The following LENG1 variants were observed in gnomAD, a reference collection of about 807,000 sequenced individuals.
LENG1 encodes the protein leukocyte receptor cluster (LRC) member 1.
A neutral mutation model predicts 28.8 loss-of-function variants in LENG1; 35 were observed. The ratio of observed to expected loss-of-function variants is 1.22; its 90% CI spans 0.93 to 1.61. The LOEUF (loss-of-function observed/expected upper bound fraction) is 1.61. Ranked by LOEUF, LENG1 falls within the 40% of genes most tolerant of loss-of-function variation. The probability of loss-of-function intolerance (pLI) is 0.00; values close to 1 mark genes in which losing one functional copy is unlikely to be tolerated. For synonymous variants in LENG1, 170 were observed against 140.6 expected (o/e 1.21, Z -1.48); for missense variants, 404 against 348.9 (o/e 1.16, Z -1.26).
chr19:54,157,642 T>C (rs2075419683), intron 2 of LENG1, among the ~76,000 whole-genome samples: 1 of 152,076 alleles, frequency 6.6e-6, no homozygotes, highest in South Asian at 2.1e-4. Context: ...AGTGCTGGGA[T>C]TACAGGCGTG....
Position 54,158,714 on chromosome 19 carries a change from C to G in LENG1, c.133-253G>C, listed in dbSNP as rs151243824. 1.6e-3 allele frequency among the ~76,000 whole-genome samples: 248 copies of G among 152,262 alleles called. 1 individual carries two copies. Among genetic ancestry groups the G allele is most frequent in the African/African-American group, 5.7e-3 (238 of 41,554 alleles). On this transcript the variant is annotated intron_variant, in intron 1 of 3. Coordinates refer to ENST00000222224, the MANE Select transcript of LENG1 (RefSeq NM_024316.3). ...GGATGTATGGGAGGAGGTCCCTGGCCTAAACCAAAGGGGTTCCTAACCTCA... is the reference window on the plus strand; with the variant it reads ...GGATGTATGGGAGGAGGTCCCTGGCGTAAACCAAAGGGGTTCCTAACCTCA...
rs776810991 is a variant in LENG1, at chr19:54,155,703, C to G, written c.*18G>C. 6.3e-7 allele frequency: 1 copy of G among 1,598,016 alleles called. No homozygotes were observed. Among genetic ancestry groups the G allele is most frequent in the Non-Finnish European group, 8.5e-7 (1 of 1,170,620 alleles). The stretch of plus-strand genomic sequence containing the variant: ...ATGACGGCTGGCAGCAGCGGCCTCT[C>G]CTGTACCCCCTCAGGAGTCAGTGAG... On this transcript the variant is annotated 3_prime_UTR_variant, in exon 4 of 4. Coordinates refer to ENST00000222224, the MANE Select transcript of LENG1 (RefSeq NM_024316.3).
intron 3 of LENG1, among the ~76,000 whole-genome samples, chr19:54,156,180 C>G (rs117103541): frequency 1.6e-4 from 25 of 152,294 alleles, no homozygotes; most frequent in Admixed American, 8.5e-4. Context: ...TTCTCCAGGT[C>G]AAGAAAGCAC....
rs531585019 is a variant in LENG1, at chr19:54,155,377, C to T, written c.*344G>A. 3 of 1,611,936 alleles carry T rather than the reference C, an allele frequency of 1.9e-6. No homozygotes were observed. Among genetic ancestry groups the T allele is most frequent in the African/African-American group, 1.3e-5 (1 of 75,002 alleles). Reference sequence around the variant, plus strand: ...AGAAGGAAGGCTTCACCTTTGAGTACCGCTACCTGGAGGACCGGGACCTCC... The same window carrying T: ...AGAAGGAAGGCTTCACCTTTGAGTATCGCTACCTGGAGGACCGGGACCTCC... On this transcript the variant is annotated 3_prime_UTR_variant, in exon 4 of 4. Coordinates refer to ENST00000222224, the MANE Select transcript of LENG1 (RefSeq NM_024316.3).
At position 54,156,921 on chromosome 19, in the gene LENG1, G is replaced by T; in HGVS notation, c.417C>A (p.Gly139=). 6.2e-7 allele frequency: 1 copy of T among 1,612,072 alleles called. No homozygotes were observed. The highest frequency in any genetic ancestry group is 1.1e-5 in the South Asian group (1 of 90,982). Residue 139 remains glycine, a synonymous_variant, in exon 3 of 4, where the codon GGC becomes GGA. Coordinates refer to ENST00000222224, the MANE Select transcript of LENG1 (RefSeq NM_024316.3). ...CATCTGGGGCTGGGCCGGGCGGGGG[G>T]CCCCCTCGCCCTGGGGGTAGCTGGT... ...PWYQLPPGRG[G]PPPGPAPDEK...
At position 54,156,868 on chromosome 19, in the gene LENG1, A is replaced by C; in HGVS notation, c.470T>G (p.Leu157Arg). 1.4e-6 allele frequency: 2 copies of C among 1,450,600 alleles called. No homozygotes were observed. The highest frequency in any genetic ancestry group is 1.9e-6 in the Non-Finnish European group (2 of 1,061,922). The allele number at this position is 1,450,600 out of a possible 1,614,324, so 89.9% of individuals were successfully genotyped here. Residue 157 changes from leucine (L) to arginine (R), a missense_variant, in exon 3 of 4, where the codon CTG becomes CGG. Transcript: ENST00000222224. ...DEKIKSRLDP[L>R]REMQKHLGKK... ...CCCCAGATGCTTCTGCATCTCCCGC[A>C]GAGGGTCCAGACGGCTCTTGATCTT...
In LENG1 at chr19:54,155,393, C is replaced by A. The variant is rs747937784; in HGVS notation, c.*328G>T. 1 of 1,607,310 alleles carries A rather than the reference C, an allele frequency of 6.2e-7. No individual in the cohort carries two copies. Among genetic ancestry groups the A allele is most frequent in the South Asian group, 1.1e-5 (1 of 90,312 alleles). The stretch of plus-strand genomic sequence containing the variant: ...CTTTGAGTACCGCTACCTGGAGGAC[C>A]GGGACCTCCAGTGACACCGGCCCCT... On this transcript the variant is annotated 3_prime_UTR_variant, in exon 4 of 4. Transcript: ENST00000222224.
At chr19:54,156,527 A>C (rs2075390031) in intron 3 of LENG1, among the ~76,000 whole-genome samples, 1 of 152,176 alleles carries the variant, frequency 6.6e-6, no homozygotes, top group South Asian at 2.1e-4. Flanking sequence ...GCCTGAGAAC[A>C]CGAGTGGAAA....
Position 54,155,354 on chromosome 19 carries a change from A to G in LENG1, c.*367T>C. The stretch of plus-strand genomic sequence containing the variant: ...CTACGAGAAGTGGGGCCAGCGGAAG[A>G]AGGAAGGCTTCACCTTTGAGTACCG... On this transcript the variant is annotated 3_prime_UTR_variant, in exon 4 of 4. Coordinates refer to ENST00000222224, the MANE Select transcript of LENG1 (RefSeq NM_024316.3). 6.2e-7 allele frequency: 1 copy of G among 1,613,340 alleles called. No homozygotes were observed. Among genetic ancestry groups the G allele is most frequent in the Non-Finnish European group, 8.5e-7 (1 of 1,179,482 alleles).
chr19:54,156,531 G>A (rs1191016392), intron 3 of LENG1, among the ~76,000 whole-genome samples: 2 of 152,178 alleles, frequency 1.3e-5, no homozygotes, highest in Non-Finnish European at 2.9e-5. Flanking sequence ...GAGAACACGA[G>A]TGGAAAAGTC....
At chr19:54,158,844 C>T (rs1247059725) in intron 1 of LENG1, among the ~76,000 whole-genome samples, 6 of 152,238 alleles carry the variant, frequency 3.9e-5, no homozygotes, top group Non-Finnish European at 1.5e-5. Flanking sequence ...GCCCTGTCCC[C>T]TGCCTTCAGG....
In LENG1 at chr19:54,155,837, G is replaced by T; in HGVS notation, c.679C>A (p.Gln227Lys). ...LLARVQGRALQEGQPEEDETD... is the reference protein window; with the variant it reads ...LLARVQGRALKEGQPEEDETD... ...TCGTCTTCTTCCGGCTGACCCTCCT[G>T]TAGTGCCCGGCCTTGGACCCGGGCC... The change falls in exon 4 of 4, where the codon CAG becomes AAG. Residue 227 changes from glutamine (Q) to lysine (K), a missense_variant. Gln to Lys is a moderately conservative substitution (Grantham distance 53). Transcript: ENST00000222224. 14 of 1,612,718 alleles carry T rather than the reference G, an allele frequency of 8.7e-6. No individual in the cohort carries two copies. The highest frequency in any genetic ancestry group is 1.2e-5 in the Non-Finnish European group (14 of 1,179,840).
chr19:54,156,195 A>G (rs1600529503), intron 3 of LENG1, among the ~76,000 whole-genome samples: 3 of 152,166 alleles, frequency 2.0e-5, no homozygotes, highest in African/African-American at 7.2e-5. Context: ...AAGCACACTT[A>G]GCAGCCCCCT....
chr19:54,158,369 A>C lies in LENG1; in HGVS notation c.225T>G (p.Pro75=), dbSNP rs567810843. The part of the protein sequence containing the change: ...AAEAGAPGSG[P]VDLFRELLEE... ...CCAGCAGCTCCCGAAACAGGTCCAC[A>C]GGGCCAGAACCTGGGGCTCCCGCCT... The change falls in exon 2 of 4, where the codon CCT becomes CCG. Residue 75 remains proline, a synonymous_variant. Transcript: ENST00000222224. 2 of 1,614,194 alleles carry C rather than the reference A, an allele frequency of 1.2e-6. No homozygotes were observed. The highest frequency in any genetic ancestry group is 1.7e-5 in the Admixed American group (1 of 60,026).
rs528671238 is a variant in LENG1 at position 54,158,936 on chromosome 19, C to T, written c.133-475G>A. Among the ~76,000 whole-genome samples, 6 of 152,336 alleles carry T rather than the reference C, an allele frequency of 3.9e-5. No individual in the cohort carries two copies. The East Asian group carries it at 1.2e-3, about 29-fold the overall frequency. ...CTCCCACCCACGGCGGAGGATCAGA[C>T]TAGCTAAGGAAATGAAAGTTGGGTG... On this transcript the variant is annotated intron_variant, in intron 1 of 3. Transcript: ENST00000222224.
At chr19:54,157,224 G>C (rs1388332531) in intron 2 of LENG1, among the ~76,000 whole-genome samples, 199 bp from the exon 3 acceptor site, 6 of 152,182 alleles carry the variant, frequency 3.9e-5, no homozygotes, top group African/African-American at 1.4e-4. Context: ...GCAGGGGAAG[G>C]AGGGGACAAG....
chr19:54,158,338 C>T lies in LENG1; in HGVS notation c.256G>A (p.Gly86Arg), dbSNP rs750455421. Reference sequence around the variant, plus strand: ...TTATTGCCTCTGATCACTCCTTTCCCTTCCTCCAGCAGCTCCCGAAACAGG... The same window carrying T: ...TTATTGCCTCTGATCACTCCTTTCCTTTCCTCCAGCAGCTCCCGAAACAGG... ...VDLFRELLEE[G>R]KGVIRGNKEY... is the part of the protein sequence containing the mutation. Residue 86 changes from glycine to arginine, a missense_variant, in exon 2 of 4, where the codon GGG becomes AGG. By Grantham distance (125) the Gly-to-Arg change is moderately radical. Coordinates refer to ENST00000222224, the MANE Select transcript of LENG1 (RefSeq NM_024316.3). The T allele has an allele frequency of 2.5e-6, 4 of 1,614,074 alleles. No homozygotes were observed. Among genetic ancestry groups the T allele is most frequent in the Admixed American group, 1.7e-5 (1 of 60,000 alleles).
rs2075470903 is a variant in LENG1, at chr19:54,159,699, G to A, written c.-4C>T. 6.2e-7 allele frequency: 1 copy of A among 1,601,646 alleles called. No individual in the cohort carries two copies. The highest frequency in any genetic ancestry group is 8.5e-7 in the Non-Finnish European group (1 of 1,174,296). On this transcript the variant is annotated 5_prime_UTR_variant, in exon 1 of 4. The change creates a new upstream start codon in the 5' untranslated region. Transcript: ENST00000222224. ...TCTTCTTGGGCAAGATATTCATGGC[G>A]TCGTAGCTGTCCAGGGACTGGCACG...
chr19:54,156,888 G>C lies in LENG1; in HGVS notation c.450C>G (p.Ile150Met), dbSNP rs2075399926. The change falls in exon 3 of 4, where the codon ATC becomes ATG. Residue 150 changes from isoleucine (I) to methionine (M), a missense_variant. Physicochemically the swap from Ile to Met is conservative, Grantham distance 10. Transcript: ENST00000222224. ...PPPGPAPDEKIKSRLDPLREM... is the reference protein window; with the variant it reads ...PPPGPAPDEKMKSRLDPLREM... ...CCCGCAGAGGGTCCAGACGGCTCTT[G>C]ATCTTCTCATCTGGGGCTGGGCCGG... is the stretch of plus-strand genomic sequence containing the variant. 1.1e-6 allele frequency: 1 copy of C among 907,812 alleles called. No individual in the cohort carries two copies. The highest frequency in any genetic ancestry group is 1.9e-5 in the Admixed American group (1 of 52,816). The allele number at this position is 907,812 out of a possible 1,614,324, so 56.2% of individuals were successfully genotyped here. A position where few individuals can be genotyped will look rare whatever the true frequency, so the allele number is the denominator to read the frequency against.
Sources: gnomAD v4.1 joint callset for allele counts (sites outside exome capture counted in the v4.1 genomes callset) on GRCh38, gnomAD v4.1.1 for gene constraint, MANE v1.5 for transcripts, NCBI Gene and HGNC (gene_info 2026-07-23, HGNC 2026-07-21) for gene names.